The following NBPF8 variants were observed in gnomAD, a reference collection of about 807,000 sequenced individuals.
NBPF8 encodes the protein NBPF member 8, also known as NBPF family member NBPF8.
At chr1:120,433,075 A>C (rs1660929925), upstream of NBPF8, 1 of 152,228 alleles carries the variant, frequency 6.6e-6, no homozygotes, top group Non-Finnish European at 1.5e-5. Context: ...AAATTAAAGA[A>C]GGCTAAATAA....
At chr1:120,433,076 G>A (rs1400361011), upstream of NBPF8, 2 of 152,032 alleles carry the variant, frequency 1.3e-5, no homozygotes, top group Non-Finnish European at 2.9e-5. Flanking sequence ...AATTAAAGAA[G>A]GCTAAATAAA....
chr1:120,452,703 A>G (rs1415595694), intron 13 of NBPF8, among the ~76,000 whole-genome samples: 1 of 152,264 alleles, frequency 6.6e-6, no homozygotes, highest in Non-Finnish European at 1.5e-5. Context: ...ACTGTCAGAG[A>G]GTGAATGACT....
upstream of NBPF8, chr1:120,433,234 C>G (rs1400545317): frequency 2.0e-5 from 3 of 152,016 alleles, no homozygotes; most frequent in African/African-American, 7.2e-5. Context: ...CTAGAATAAG[C>G]AAGTCGGTAT....
intron 1 of NBPF8, among the ~76,000 whole-genome samples, chr1:120,420,415 T>C (rs1262953295): frequency 1.5e-5 from 2 of 137,382 alleles, no homozygotes; most frequent in African/African-American, 6.0e-5. Context: ...TCTTCCCCTC[T>C]TACCCCCCAT....
At chr1:120,454,636 G>C (rs1490400642) in intron 15 of NBPF8, among the ~76,000 whole-genome samples, 1 of 146,832 alleles carries the variant, frequency 6.8e-6, no homozygotes, top group African/African-American at 2.5e-5. Flanking sequence ...CATAAAGCAA[G>C]GCTGGACCCT....
At chr1:120,468,891 T>C (rs1176410429), downstream of NBPF8, among the ~76,000 whole-genome samples, 224 of 151,612 alleles carry the variant, frequency 1.5e-3, no homozygotes, top group Non-Finnish European at 1.1e-3. Flanking sequence ...CTCCCAGACC[T>C]GGCTAAAGAA....
chr1:120,427,825 C>T (rs1157515190), exon 3 of NBPF8, among the ~76,000 whole-genome samples: 18 of 144,272 alleles, frequency 1.2e-4, no homozygotes, highest in African/African-American at 4.4e-4. Context: ...CAGTTGGGAT[C>T]AAATGTGAGC....
chr1:120,469,515 C>T (rs1661857994), downstream of NBPF8, among the ~76,000 whole-genome samples: 1 of 150,326 alleles, frequency 6.7e-6, no homozygotes, highest in Admixed American at 6.6e-5. Flanking sequence ...ATCACACATG[C>T]CCTTTGTCAT....
chr1:120,425,176 G>T (rs1410895945), intron 1 of NBPF8, among the ~76,000 whole-genome samples: 2 of 152,100 alleles, frequency 1.3e-5, no homozygotes, highest in Non-Finnish European at 2.9e-5. Context: ...CCCGTAAAGG[G>T]TCTGTGCTGA....
upstream of NBPF8, among the ~76,000 whole-genome samples, chr1:120,434,642 A>G (rs1661022889): frequency 2.0e-5 from 3 of 151,516 alleles, no homozygotes; most frequent in African/African-American, 7.3e-5. Flanking sequence ...ACAGACACCA[A>G]TGCCCTTCAT....
At chr1:120,465,863 T>A (rs1172573492) in intron 24 of NBPF8, 115 bp from the exon 23 acceptor site, 3 of 1,608,676 alleles carry the variant, frequency 1.9e-6, no homozygotes, top group Admixed American at 3.3e-5. Context: ...ACCTCATTAA[T>A]GGATCTGTCC....
exon 25 of NBPF8, chr1:120,466,062 C>T: frequency 6.2e-7 from 1 of 1,611,972 alleles, no homozygotes; most frequent in Non-Finnish European, 8.5e-7. Flanking sequence ...CATCAATGTA[C>T]TGTGAACTAC....
At chr1:120,463,022 G>C in intron 21 of NBPF8, 56 bp downstream of exon 19, 1 of 610,964 alleles carries the variant, frequency 1.6e-6, no homozygotes, top group Admixed American at 3.0e-5. Flanking sequence ...AGATAGGGGT[G>C]ATATTCCTGT....
exon 25 of NBPF8, chr1:120,466,189 G>A: frequency 1.2e-6 from 2 of 1,609,318 alleles, no homozygotes; most frequent in Non-Finnish European, 1.7e-6. Flanking sequence ...TCTCTATCTG[G>A]TCTTCCAGAT....
chr1:120,428,303 T>G (rs1660778164), intron 3 of NBPF8, among the ~76,000 whole-genome samples: 1 of 148,636 alleles, frequency 6.7e-6, no homozygotes, highest in Non-Finnish European at 1.5e-5. Flanking sequence ...GACAAAGGTT[T>G]TTCAACTGGA....
intron 3 of NBPF8, among the ~76,000 whole-genome samples, chr1:120,428,503 G>A (rs1660784025): frequency 6.6e-6 from 1 of 151,904 alleles, no homozygotes; most frequent in Non-Finnish European, 1.5e-5. Flanking sequence ...TTGTTGTGGT[G>A]AAGAATTTCT....
chr1:120,463,186 G>A (rs1338377060), intron 21 of NBPF8, among the ~76,000 whole-genome samples: 29 of 147,404 alleles, frequency 2.0e-4, no homozygotes, highest in Non-Finnish European at 4.1e-4. Context: ...AGCCATGCCT[G>A]TGGCAACCTG....
chr1:120,417,774 T>C (rs1227367782), upstream of NBPF8, among the ~76,000 whole-genome samples: 1 of 143,590 alleles, frequency 7.0e-6, no homozygotes, highest in African/African-American at 2.7e-5. Context: ...TTAATTTTCA[T>C]ATTTTTTGTA....
downstream of NBPF8, among the ~76,000 whole-genome samples, chr1:120,468,664 C>T: frequency 6.8e-6 from 1 of 146,492 alleles, no homozygotes; most frequent in Middle Eastern, 3.5e-3. Flanking sequence ...TTCTGCATTT[C>T]CAAGATTGGC....
Sources: allele counts gnomAD v4.1 joint callset (sites outside exome capture counted in the v4.1 genomes callset), GRCh38; gene constraint gnomAD v4.1.1; transcripts MANE v1.5; gene names NCBI Gene and HGNC (gene_info 2026-07-23, HGNC 2026-07-21).